Variants in P2RX4 observed in about 807,000 individuals in gnomAD.
The protein encoded by P2RX4 is purinergic receptor P2X 4.
In P2RX4, 37 loss-of-function variants were observed where a neutral mutation model predicts 48.0. That is an observed-to-expected ratio of 0.77 (90% CI 0.59 to 1.01). The LOEUF is 1.01. P2RX4 is among the 50% of genes least tolerant of loss of function. P2RX4 has a pLI of 0.00. For missense variants in P2RX4, 501 were observed against 521.4 expected (o/e 0.96, Z 0.38); for synonymous variants, 200 against 199.7 (o/e 1.00, Z -0.01).
rs376183547 is a variant in P2RX4, at chr12:121,222,993, G to A, written c.474G>A (p.Thr158=). 1.5e-5 allele frequency: 25 copies of A among 1,613,658 alleles called. No individual in the cohort carries two copies. In the East Asian group the frequency reaches 1.6e-4, roughly 10 times the overall value. The change falls in exon 5 of 12, where the codon ACG becomes ACA. Residue 158 remains threonine, a synonymous_variant. Transcript: ENST00000337233. Reference sequence around the variant, plus strand: ...TAGCTTTCAACGGGTCTGTCAAGACGTGTGAGGTGGCGGCCTGGTGCCCGG... The same window carrying A: ...TAGCTTTCAACGGGTCTGTCAAGACATGTGAGGTGGCGGCCTGGTGCCCGG... ...RCVAFNGSVK[T]CEVAAWCPVE...
chr12:121,233,148 G>T, intron 11 of P2RX4, 56 bp downstream of exon 11: 1 of 1,280,068 alleles, frequency 7.8e-7, no homozygotes. Flanking sequence ...GGGTGTGGGA[G>T]CCCTGGGCGT....
intron 2 of P2RX4, 90 bp downstream of exon 2, chr12:121,217,371 T>C: frequency 1.5e-6 from 2 of 1,303,076 alleles, no homozygotes; most frequent in East Asian, 4.6e-5. Context: ...GTGGCCTGAG[T>C]CCTGACATCA....
At chr12:121,215,049 G>T (rs1404605152) in intron 1 of P2RX4, 1 of 152,138 alleles carries the variant, frequency 6.6e-6, no homozygotes, top group Non-Finnish European at 1.5e-5. Context: ...TGAAGTCTCA[G>T]CATCTAGGAC....
intron 1 of P2RX4, among the ~76,000 whole-genome samples, chr12:121,212,421 C>T (rs1322002808): frequency 1.3e-5 from 2 of 151,464 alleles, no homozygotes; most frequent in Admixed American, 6.6e-5. Flanking sequence ...ATAGCGAGAC[C>T]CCATCTCTAA....
In P2RX4 at chr12:121,223,050, C is replaced by G; in HGVS notation, c.524+7C>G. The G allele has an allele frequency of 6.4e-7, 1 of 1,574,048 alleles. No homozygotes were observed. Among genetic ancestry groups the G allele is most frequent in the Non-Finnish European group, 8.7e-7 (1 of 1,143,684 alleles). On this transcript the variant is annotated splice_region_variant and intron_variant, in intron 5 of 11. Coordinates refer to ENST00000337233, the MANE Select transcript of P2RX4 (RefSeq NM_002560.3). Reference sequence around the variant, plus strand: ...ATGACACACACGTGCCACAGTGAGTCCAGCCCTAGGGAAGGAAGTGCCTTT... The same window carrying G: ...ATGACACACACGTGCCACAGTGAGTGCAGCCCTAGGGAAGGAAGTGCCTTT...
Position 121,232,345 on chromosome 12 carries a change from A to G in P2RX4, c.885-69A>G. 9.2e-7 allele frequency: 1 copy of G among 1,087,794 alleles called. No individual in the cohort carries two copies. Among genetic ancestry groups the G allele is most frequent in the Non-Finnish European group, 1.4e-6 (1 of 705,302 alleles). 67.4% of individuals were successfully genotyped at this position (1,087,794 alleles called of 1,614,324 possible). ...CATTCACCTGTGCCAGCTCCACTCT[A>G]ACGTTCTCTCACAGGGCCCAAGGTC... is the stretch of plus-strand genomic sequence containing the variant. On this transcript the variant is annotated intron_variant, in intron 8 of 11. Coordinates refer to ENST00000337233, the MANE Select transcript of P2RX4 (RefSeq NM_002560.3). The surrounding 1 kb of genome is among the most constrained non-coding windows in gnomAD (Gnocchi z 4.3).
chr12:121,228,502 TA>T (rs1473455248), intron 5 of P2RX4, 30 bp from the exon 6 acceptor site: 2 of 1,421,522 alleles, frequency 1.4e-6, no homozygotes, highest in South Asian at 2.4e-5. Flanking sequence ...GTATGTATTT[TA>T]TTAACAGTAA....
intron 5 of P2RX4, among the ~76,000 whole-genome samples, chr12:121,227,281 C>A (rs73220298): frequency 0.055 from 8,329 of 152,230 alleles, 354 homozygotes; most frequent in Non-Finnish European, 0.082. Context: ...ATCAGGGGAA[C>A]ATCCCCCACA....
chr12:121,228,289 G>A (rs1887096547), intron 5 of P2RX4, among the ~76,000 whole-genome samples: 1 of 150,060 alleles, frequency 6.7e-6, no homozygotes, highest in South Asian at 2.1e-4. Context: ...CAGCTACACG[G>A]GAGGCTGAGG....
intron 5 of P2RX4, among the ~76,000 whole-genome samples, chr12:121,226,566 G>A (rs570489952): frequency 3.2e-4 from 49 of 152,098 alleles, no homozygotes; most frequent in Admixed American, 1.2e-3. Flanking sequence ...AGACTAAAAC[G>A]TTTTGGAACT....
chr12:121,228,942 G>A (rs995205530), intron 7 of P2RX4, 21 bp from the exon 8 acceptor site: 2 of 1,614,102 alleles, frequency 1.2e-6, no homozygotes, highest in Non-Finnish European at 8.5e-7. Context: ...GCCTTGCCGT[G>A]TCTCTGCTGC....
intron 8 of P2RX4, among the ~76,000 whole-genome samples, chr12:121,231,062 A>G (rs1241761207): frequency 6.6e-6 from 1 of 150,506 alleles, no homozygotes; most frequent in Non-Finnish European, 1.5e-5. Flanking sequence ...ATTTCAGCTC[A>G]CTGCAGCCTT....
intron 1 of P2RX4, chr12:121,216,816 G>A (rs780025713): frequency 4.9e-5 from 30 of 608,180 alleles, no homozygotes; most frequent in South Asian, 2.1e-4. Flanking sequence ...GCGAAACATC[G>A]TCTCAAAAAA....
Position 121,210,151 on chromosome 12 carries a change from C to T in P2RX4, c.-14C>T, listed in dbSNP as rs760742733. On this transcript the variant is annotated 5_prime_UTR_variant, in exon 1 of 12. Coordinates refer to ENST00000337233, the MANE Select transcript of P2RX4 (RefSeq NM_002560.3). ...CCCAGACCGACTAGGGGACTGGGAG[C>T]GGGCGGCGCGGCCATGGCGGGCTGC... 1.3e-6 allele frequency: 2 copies of T among 1,518,632 alleles called. No individual in the cohort carries two copies. Among genetic ancestry groups the T allele is most frequent in the Non-Finnish European group, 1.8e-6 (2 of 1,139,826 alleles). The allele number at this position is 1,518,632 out of a possible 1,614,324, so 94.1% of individuals were successfully genotyped here. A position where few individuals can be genotyped will look rare whatever the true frequency, so the allele number is the denominator to read the frequency against.
intron 4 of P2RX4, 193 bp downstream of exon 4, chr12:121,222,359 C>T: frequency 1.7e-6 from 1 of 577,928 alleles, no homozygotes; most frequent in Admixed American, 3.2e-5. Flanking sequence ...AGCTCTTGCC[C>T]TACTGTTTTT....
chr12:121,231,850 C>T (rs189006170), intron 8 of P2RX4, among the ~76,000 whole-genome samples: 45 of 151,834 alleles, frequency 3.0e-4, no homozygotes, highest in African/African-American at 1.0e-3. Flanking sequence ...CTAAAAAATC[C>T]AAAAATTAGC....
chr12:121,221,198 T>TGTGTGTG (rs1566003252), intron 2 of P2RX4, among the ~76,000 whole-genome samples: 4 of 84,348 alleles, frequency 4.7e-5, no homozygotes, highest in East Asian at 4.2e-4. Flanking sequence ...GTGTGTGTGT[T>TGTGTGTG]TTTAGTACAA....
At chr12:121,216,650 G>A (rs1377165034) in intron 1 of P2RX4, 9 of 315,598 alleles carry the variant, frequency 2.9e-5, no homozygotes, top group East Asian at 2.4e-4. Flanking sequence ...GTGAAACCCC[G>A]TCTCTACTAA....
At chr12:121,212,652 A>G (rs1458864433) in intron 1 of P2RX4, among the ~76,000 whole-genome samples, 2 of 150,112 alleles carry the variant, frequency 1.3e-5, no homozygotes, top group Non-Finnish European at 3.0e-5. Flanking sequence ...AGCCAGGCCT[A>G]GTGGCTAATG....
Sources: gnomAD v4.1 joint callset for allele counts (sites outside exome capture counted in the v4.1 genomes callset) on GRCh38, gnomAD v4.1.1 for gene constraint, Gnocchi (gnomAD v3.1) non-coding constraint, MANE v1.5 for transcripts, NCBI Gene and HGNC (gene_info 2026-07-23, HGNC 2026-07-21) for gene names.